C8orf76: variants seen among roughly 807,000 people sequenced by gnomAD.
C8orf76 encodes chromosome 8 open reading frame 76, also known as uncharacterized protein C8orf76.
C8orf76 carries 46 observed loss-of-function variants against 38.1 expected under a neutral mutation model. The ratio of observed to expected loss-of-function variants is 1.21; its 90% CI spans 0.95 to 1.54. The LOEUF (loss-of-function observed/expected upper bound fraction) is 1.54. Among genes scored for constraint, C8orf76 ranks in the 40% most tolerant of loss-of-function variants. C8orf76 has a pLI of 0.00. For synonymous variants in C8orf76, 166 were observed against 167.5 expected, an observed-to-expected ratio of 0.99 and a Z score of 0.07; for missense variants, 461 against 441.6, an observed-to-expected ratio of 1.04 and a Z score of -0.39.
At chr8:123,229,771 C>T (rs971683265) in intron 4 of C8orf76, among the ~76,000 whole-genome samples, 1 of 152,182 alleles carries the variant, frequency 6.6e-6, no homozygotes, top group Non-Finnish European at 1.5e-5. Flanking sequence ...AATCCCAGCA[C>T]TCTGGGAAGC....
chr8:123,237,088 C>T (rs879084346), intron 3 of C8orf76: 16 of 1,092,040 alleles, frequency 1.5e-5, no homozygotes, highest in Middle Eastern at 2.6e-4. Context: ...TCCGCCAGCT[C>T]GCCCAGAAAT....
intron 5 of C8orf76, among the ~76,000 whole-genome samples, chr8:123,221,759 A>G (rs1253891689): frequency 1.3e-5 from 2 of 152,022 alleles, no homozygotes; most frequent in Non-Finnish European, 2.9e-5. Flanking sequence ...TTTAAAAATC[A>G]GCCGGGTATG....
chr8:123,220,066 A>C lies in C8orf76; in HGVS notation c.*37T>G, dbSNP rs1174875838. 8.0e-7 allele frequency: 1 copy of C among 1,245,210 alleles called. No individual in the cohort carries two copies. Among genetic ancestry groups the C allele is most frequent in the Non-Finnish European group, 1.1e-6 (1 of 879,846 alleles). 77.1% of individuals were successfully genotyped at this position (1,245,210 alleles called of 1,614,324 possible). A position where few individuals can be genotyped will look rare whatever the true frequency, so the allele number is the denominator to read the frequency against. On this transcript the variant is annotated 3_prime_UTR_variant, in exon 6 of 6. Coordinates refer to ENST00000276704, the MANE Select transcript of C8orf76 (RefSeq NM_032847.3). ...TGAAGTAAACAAGGACAATTAATAC[A>C]GTACAAGATATTTGTGGTTTTGTTT... is the stretch of plus-strand genomic sequence containing the variant.
chr8:123,226,738 A>G, intron 4 of C8orf76, 106 bp from the exon 5 acceptor site: 1 of 1,455,790 alleles, frequency 6.9e-7, no homozygotes, highest in Non-Finnish European at 9.0e-7. Context: ...AGTCGGCTGC[A>G]AGTCCCACCA....
chr8:123,223,899 A>C (rs1164317242), intron 5 of C8orf76, among the ~76,000 whole-genome samples: 1 of 152,202 alleles, frequency 6.6e-6, no homozygotes, highest in African/African-American at 2.4e-5. Context: ...AATATCTAGA[A>C]TAGATAAATT....
At position 123,226,572 on chromosome 8, in the gene C8orf76, C is replaced by T. The variant is rs1264081700; in HGVS notation, c.876G>A (p.Arg292=). The T allele has an allele frequency of 6.2e-7, 1 of 1,612,960 alleles. No individual in the cohort carries two copies. The highest frequency in any genetic ancestry group is 8.5e-7 in the Non-Finnish European group (1 of 1,179,790). Reference sequence around the variant, plus strand: ...TTTTATCTTCAATTTCCTGCTGAGTCCTTAAGTTCCTCTCCAAAGCAAACG... The same window carrying T: ...TTTTATCTTCAATTTCCTGCTGAGTTCTTAAGTTCCTCTCCAAAGCAAACG... ...QTSFALERNL[R]TQQEIEDKMK... is the part of the protein sequence containing the mutation. Residue 292 remains arginine, a synonymous_variant, in exon 5 of 6, where the codon AGG becomes AGA. Coordinates refer to ENST00000276704, the MANE Select transcript of C8orf76 (RefSeq NM_032847.3).
At chr8:123,238,180 G>A (rs1825563319) in intron 2 of C8orf76, among the ~76,000 whole-genome samples, 1 of 152,168 alleles carries the variant, frequency 6.6e-6, no homozygotes, top group Non-Finnish European at 1.5e-5. Context: ...TGTTGTGGGA[G>A]GGACCTGGTG....
At chr8:123,232,715 C>A (rs538836939) in intron 3 of C8orf76, among the ~76,000 whole-genome samples, 1 of 152,288 alleles carries the variant, frequency 6.6e-6, no homozygotes, top group East Asian at 1.9e-4. Flanking sequence ...GAGATAAAGC[C>A]CCATACGACT....
chr8:123,223,726 T>TTTATCAAA (rs1240454855), intron 5 of C8orf76, among the ~76,000 whole-genome samples: 1 of 152,086 alleles, frequency 6.6e-6, no homozygotes, highest in Non-Finnish European at 1.5e-5. Context: ...AAAAGATGAG[T>TTTATCAAA]AGATAAACAA....
chr8:123,221,190 T>C (rs756395859), intron 5 of C8orf76, among the ~76,000 whole-genome samples: 5 of 152,318 alleles, frequency 3.3e-5, no homozygotes, highest in South Asian at 2.1e-4. Context: ...TTTGAGGAAA[T>C]TGCCAGTGAG....
In C8orf76 at chr8:123,231,736, C is replaced by G; in HGVS notation, c.379G>C (p.Asp127His). The change falls in exon 4 of 6, where the codon GAC (aspartate) becomes CAC (histidine). Residue 127 changes from aspartate to histidine, a missense_variant. Physicochemically the swap from Asp to His is moderately conservative, Grantham distance 81. Coordinates refer to ENST00000276704, the MANE Select transcript of C8orf76 (RefSeq NM_032847.3). ...AGGTAGAGTACCGTGGTTAAATGGTCTGTGTTGGTTGCTTTATTTTCCTAA... is the reference window on the plus strand; with the variant it reads ...AGGTAGAGTACCGTGGTTAAATGGTGTGTGTTGGTTGCTTTATTTTCCTAA... ...ANLENKATNT[D>H]HLTTVLYLQL... The G allele has an allele frequency of 6.2e-7, 1 of 1,605,970 alleles. No homozygotes were observed. The highest frequency in any genetic ancestry group is 8.5e-7 in the Non-Finnish European group (1 of 1,179,082).
intron 5 of C8orf76, chr8:123,226,160 G>A: frequency 9.2e-7 from 1 of 1,089,362 alleles, no homozygotes; most frequent in Non-Finnish European, 1.1e-6. Context: ...ATGATGAATG[G>A]AGGAAAAAAA....
At chr8:123,220,378 T>G (rs2131126969) in intron 5 of C8orf76, 81 bp from the exon 6 acceptor site, 1 of 1,072,188 alleles carries the variant, frequency 9.3e-7, no homozygotes, top group East Asian at 2.6e-5. Context: ...GCGAAGGCTT[T>G]CATTCAAAGG....
chr8:123,224,588 G>A (rs1361408962), intron 5 of C8orf76, among the ~76,000 whole-genome samples: 1 of 152,184 alleles, frequency 6.6e-6, no homozygotes, highest in East Asian at 1.9e-4. Context: ...CCTAGCCTGA[G>A]TAACAGAATG....
chr8:123,236,694 G>T (rs942206324), intron 3 of C8orf76, among the ~76,000 whole-genome samples: 2 of 151,022 alleles, frequency 1.3e-5, no homozygotes, highest in Non-Finnish European at 2.9e-5. Context: ...TGAGGCAGGA[G>T]AATCGTTTGA....
rs1361031549 is a variant in C8orf76, at chr8:123,231,756, T to C, written c.359A>G (p.Glu120Gly). Reference sequence around the variant, plus strand: ...ATGGTCTGTGTTGGTTGCTTTATTTTCCTAAGGAGAAAAAAAAAAGGTTAA... The same window carrying C: ...ATGGTCTGTGTTGGTTGCTTTATTTCCCTAAGGAGAAAAAAAAAAGGTTAA... ...MEALEIAANL[E>G]NKATNTDHLT... The change falls in exon 4 of 6, where the codon GAA becomes GGA. Residue 120 changes from glutamate to glycine, a missense_variant and splice_region_variant. Glu to Gly is a moderately conservative substitution (Grantham distance 98). Transcript: ENST00000276704. 1.1e-5 allele frequency: 17 copies of C among 1,557,216 alleles called. No individual in the cohort carries two copies. Among genetic ancestry groups the C allele is most frequent in the Non-Finnish European group, 1.4e-5 (16 of 1,161,920 alleles).
At chr8:123,229,117 T>C (rs1825149298) in intron 4 of C8orf76, among the ~76,000 whole-genome samples, 2 of 152,244 alleles carry the variant, frequency 1.3e-5, no homozygotes. Context: ...CACCAGACAA[T>C]GTGACAACAC....
intron 5 of C8orf76, among the ~76,000 whole-genome samples, chr8:123,224,321 CA>C (rs1430581295): frequency 6.6e-6 from 1 of 152,024 alleles, no homozygotes; most frequent in Non-Finnish European, 1.5e-5. Context: ...ATTAAAAGCA[CA>C]AAATAAAGGC....
intron 2 of C8orf76, 77 bp from the exon 3 acceptor site, chr8:123,238,018 T>G (rs746450801): frequency 3.5e-4 from 525 of 1,502,838 alleles, no homozygotes; most frequent in Non-Finnish European, 3.4e-4. Flanking sequence ...AGGGGTGATT[T>G]TTTTTCCTAG....
Sources: allele counts gnomAD v4.1 joint callset (sites outside exome capture counted in the v4.1 genomes callset), GRCh38; gene constraint gnomAD v4.1.1; transcripts MANE v1.5; gene names NCBI Gene and HGNC (gene_info 2026-07-23, HGNC 2026-07-21).